The following TYW1 variants were observed in gnomAD, a reference collection of about 807,000 sequenced individuals.
TYW1 encodes the protein tRNA-yW synthesizing protein 1 homolog.
TYW1 carries 46 observed loss-of-function variants against 96.2 expected under a neutral mutation model. The ratio of observed to expected loss-of-function variants is 0.48; its 90% confidence interval spans 0.38 to 0.61. The LOEUF (loss-of-function observed/expected upper bound fraction) is 0.61. TYW1 is among the 20% of genes least tolerant of loss of function. The pLI, the probability that TYW1 is intolerant of heterozygous loss-of-function variation, is 0.00. For synonymous variants in TYW1, 274 were observed against 323.0 expected, an observed-to-expected ratio of 0.85 and a Z score of 1.63; for missense variants, 684 against 909.6, an observed-to-expected ratio of 0.75 and a Z score of 3.19.
intron 3 of TYW1, among the ~76,000 whole-genome samples, chr7:67,004,875 C>A (rs1281631508): frequency 6.6e-6 from 1 of 152,166 alleles, no homozygotes; most frequent in Admixed American, 6.6e-5. Flanking sequence ...CCTGCCTCAG[C>A]CTCCCGAGTA....
intron 4 of TYW1, 39 bp from the exon 5 acceptor site, chr7:67,014,328 C>T: frequency 1.9e-6 from 3 of 1,549,004 alleles, no homozygotes; most frequent in Non-Finnish European, 2.6e-6. Flanking sequence ...ATAATTTATG[C>T]CTTGTATGTT....
chr7:67,106,791 T>C (rs1370209979), intron 12 of TYW1, among the ~76,000 whole-genome samples: 1 of 152,196 alleles, frequency 6.6e-6, no homozygotes, highest in Non-Finnish European at 1.5e-5. Flanking sequence ...TTTTGGTGAG[T>C]ACTGTAAATC....
intron 13 of TYW1, among the ~76,000 whole-genome samples, chr7:67,124,699 T>C (rs952321536): frequency 1.3e-5 from 2 of 152,226 alleles, no homozygotes; most frequent in African/African-American, 2.4e-5. Flanking sequence ...TTCTCAACAT[T>C]ATAATATTAT....
At chr7:67,187,598 G>GATGTTTATA (rs57281988) in intron 14 of TYW1, among the ~76,000 whole-genome samples, 38,539 of 151,836 alleles carry the variant, frequency 0.25, 5,037 homozygotes, top group African/African-American at 0.31. Flanking sequence ...TCGCAAAAGG[G>GATGTTTATA]ATGTTTATAG....
intron 13 of TYW1, among the ~76,000 whole-genome samples, chr7:67,144,394 C>G (rs1029567910): frequency 9.2e-5 from 14 of 152,224 alleles, no homozygotes; most frequent in Non-Finnish European, 2.1e-4. Flanking sequence ...AGTATATGAA[C>G]AGACATCTCT....
chr7:67,009,472 C>A, intron 3 of TYW1, 111 bp from the exon 4 acceptor site: 1 of 869,924 alleles, frequency 1.1e-6, no homozygotes, highest in Non-Finnish European at 1.8e-6. Context: ...ACATATCAGT[C>A]ACTGAAAATA....
At chr7:67,094,585 G>GT (rs1034491258) in intron 11 of TYW1, among the ~76,000 whole-genome samples, 1 of 151,766 alleles carries the variant, frequency 6.6e-6, no homozygotes, top group African/African-American at 2.4e-5. Flanking sequence ...AATGCTGAGT[G>GT]TTTTTTTCAC....
chr7:67,079,090 C>T (rs1479955268), intron 10 of TYW1, among the ~76,000 whole-genome samples: 4 of 151,904 alleles, frequency 2.6e-5, no homozygotes, highest in Non-Finnish European at 4.4e-5. Context: ...CAGGGTAATA[C>T]TGGCCTCGTA....
intron 12 of TYW1, among the ~76,000 whole-genome samples, chr7:67,099,112 G>A (rs1174093017): frequency 4.6e-5 from 7 of 151,218 alleles, no homozygotes; most frequent in Admixed American, 1.3e-4. Context: ...TGCTACCTCC[G>A]CCTCCCAGGT....
intron 14 of TYW1, among the ~76,000 whole-genome samples, chr7:67,191,071 A>G (rs1372882159): frequency 2.0e-5 from 3 of 152,228 alleles, no homozygotes; most frequent in African/African-American, 7.2e-5. Flanking sequence ...CTCTACAAGA[A>G]GCATGGTGCC....
chr7:67,203,356 G>T (rs1236492368), intron 15 of TYW1, among the ~76,000 whole-genome samples: 1 of 152,210 alleles, frequency 6.6e-6, no homozygotes. Flanking sequence ...GCAACATACA[G>T]TTGTCATACT....
chr7:67,003,477 G>A (rs1356791357), intron 3 of TYW1, among the ~76,000 whole-genome samples: 1 of 151,400 alleles, frequency 6.6e-6, no homozygotes, highest in Non-Finnish European at 1.5e-5. Context: ...GGAATAGCAC[G>A]TACATTGCAA....
At chr7:67,129,186 A>G (rs557825616) in intron 13 of TYW1, among the ~76,000 whole-genome samples, 1 of 152,296 alleles carries the variant, frequency 6.6e-6, no homozygotes, top group South Asian at 2.1e-4. Flanking sequence ...TGATAAAACC[A>G]AGCAAGTTAG....
chr7:67,144,496 G>C (rs1330887330), intron 13 of TYW1, among the ~76,000 whole-genome samples: 2 of 151,960 alleles, frequency 1.3e-5, no homozygotes, highest in Admixed American at 1.3e-4. Context: ...TTTTGAGCTG[G>C]AGTCTTGCTC....
At chr7:67,000,755 G>C (rs1205722351) in intron 3 of TYW1, among the ~76,000 whole-genome samples, 1 of 152,200 alleles carries the variant, frequency 6.6e-6, no homozygotes, top group Non-Finnish European at 1.5e-5. Context: ...CAGCTAGTTA[G>C]TGCTTTCTAG....
intron 12 of TYW1, among the ~76,000 whole-genome samples, chr7:67,105,255 C>T (rs1418479838): frequency 6.6e-6 from 1 of 152,202 alleles, no homozygotes; most frequent in Admixed American, 6.5e-5. Context: ...TCGATGGCCA[C>T]ATTTACAGTC....
At chr7:67,020,757 C>T (rs879565989) in intron 6 of TYW1, among the ~76,000 whole-genome samples, 8 of 152,252 alleles carry the variant, frequency 5.3e-5, no homozygotes, top group Non-Finnish European at 7.3e-5. Flanking sequence ...AGGCTGGGCG[C>T]GGTGGCTCAT....
At chr7:67,199,459 A>G (rs1010409602) in intron 15 of TYW1, among the ~76,000 whole-genome samples, 1 of 152,124 alleles carries the variant, frequency 6.6e-6, no homozygotes, top group Non-Finnish European at 1.5e-5. Flanking sequence ...CCTTAAGACA[A>G]TGCAGTATCT....
intron 15 of TYW1, among the ~76,000 whole-genome samples, chr7:67,229,926 T>G (rs570751690): frequency 4.6e-4 from 70 of 152,344 alleles, no homozygotes; most frequent in Non-Finnish European, 9.3e-4. Flanking sequence ...CACTCCAGTC[T>G]GGGTGACAGA....
Sources: gnomAD v4.1 joint callset for allele counts (sites outside exome capture counted in the v4.1 genomes callset) on GRCh38, gnomAD v4.1.1 for gene constraint, MANE v1.5 for transcripts, NCBI Gene and HGNC (gene_info 2026-07-23, HGNC 2026-07-21) for gene names.